Variants in ADAMTSL1 observed in about 807,000 individuals in gnomAD.
ADAMTSL1 encodes ADAMTS like 1, also known as ADAMTS-like protein 1.
In ADAMTSL1, 126 loss-of-function variants were observed where a neutral mutation model predicts 201.8. The observed-to-expected ratio is 0.62, with a 90% CI of 0.54 to 0.72. The LOEUF (loss-of-function observed/expected upper bound fraction) is 0.72. ADAMTSL1 is among the 30% of genes least tolerant of loss of function. ADAMTSL1 has a pLI of 0.00. For synonymous variants in ADAMTSL1, 1,121 were observed against 903.4 expected, an observed-to-expected ratio of 1.24 and a Z score of -4.32; for missense variants, 2,679 against 2,277.8, an observed-to-expected ratio of 1.18 and a Z score of -3.59.
intron 1 of ADAMTSL1, among the ~76,000 whole-genome samples, chr9:18,159,192 A>C (rs1390239419): frequency 6.6e-6 from 1 of 152,052 alleles, no homozygotes; most frequent in Non-Finnish European, 1.5e-5. Flanking sequence ...AATTCTCAGT[A>C]AACTATGAAT....
rs576619949 is a variant in ADAMTSL1, at chr9:18,815,096, T to C, written c.3806-2013T>C. The stretch of plus-strand genomic sequence containing the variant: ...AGATGTGGAGAAGAGAGAATTCTTA[T>C]ACATTGTTAATGGGAATGTAAATTA... On this transcript the variant is annotated intron_variant, in intron 20 of 28. Transcript: ENST00000380548. Among the ~76,000 whole-genome samples the C allele has an allele frequency of 3.9e-5, 6 of 152,308 alleles. No homozygotes were observed. The South Asian group carries it at 8.3e-4, about 21-fold the overall frequency.
chr9:18,889,465 C>G, intron 24 of ADAMTSL1, 103 bp from the exon 25 acceptor site: 8 of 1,305,518 alleles, frequency 6.1e-6, no homozygotes, highest in Non-Finnish European at 8.4e-6. Flanking sequence ...CTTCAGGCCA[C>G]AAATCCACCC....
intron 1 of ADAMTSL1, among the ~76,000 whole-genome samples, chr9:18,111,183 C>T (rs1176015891): frequency 1.3e-5 from 2 of 152,106 alleles, no homozygotes; most frequent in Non-Finnish European, 2.9e-5. Context: ...GCTAAGTTCT[C>T]CTAACTGTCT....
At chr9:18,034,434 G>A (rs1022260843) in intron 1 of ADAMTSL1, among the ~76,000 whole-genome samples, 6 of 152,066 alleles carry the variant, frequency 3.9e-5, no homozygotes, top group Non-Finnish European at 7.4e-5. Context: ...TCAGCCTCCT[G>A]TTGCATATTT....
chr9:18,414,551 C>G (rs1818590653), intron 2 of ADAMTSL1, among the ~76,000 whole-genome samples: 1 of 152,166 alleles, frequency 6.6e-6, no homozygotes, highest in Non-Finnish European at 1.5e-5. Flanking sequence ...AGGCAGTGAT[C>G]TCTCAATTAT....
At chr9:18,821,742 C>T (rs1000300222) in intron 21 of ADAMTSL1, among the ~76,000 whole-genome samples, 2 of 152,022 alleles carry the variant, frequency 1.3e-5, no homozygotes, top group African/African-American at 4.8e-5. Context: ...ACCCTACCTC[C>T]ACACCTCCTA....
intron 2 of ADAMTSL1, among the ~76,000 whole-genome samples, chr9:18,356,201 G>C (rs1479242901): frequency 1.3e-5 from 2 of 152,148 alleles, no homozygotes; most frequent in Admixed American, 6.5e-5. Context: ...GAGTTCTGGG[G>C]CTTTTTCTGG....
intron 1 of ADAMTSL1, among the ~76,000 whole-genome samples, chr9:17,940,995 C>T (rs528170894): frequency 1.3e-5 from 2 of 151,958 alleles, no homozygotes. Flanking sequence ...ATGAACATCT[C>T]TTCTGCAGCT....
intron 1 of ADAMTSL1, among the ~76,000 whole-genome samples, chr9:18,062,875 C>G (rs2131704925): frequency 6.6e-6 from 1 of 152,210 alleles, no homozygotes; most frequent in South Asian, 2.1e-4. Flanking sequence ...CTAACATGAC[C>G]TCCTCCTTGG....
intron 9 of ADAMTSL1, among the ~76,000 whole-genome samples, chr9:18,664,205 A>G (rs978885616): frequency 2.0e-5 from 3 of 152,102 alleles, no homozygotes; most frequent in African/African-American, 7.2e-5. Flanking sequence ...TGAGGTTAAG[A>G]TACTTCAGAA....
intron 15 of ADAMTSL1, among the ~76,000 whole-genome samples, chr9:18,744,657 T>C (rs1014524041): frequency 1.3e-5 from 2 of 152,248 alleles, no homozygotes; most frequent in African/African-American, 2.4e-5. Flanking sequence ...GGGAAGTAGG[T>C]ATTGCCATTA....
chr9:18,389,936 A>G (rs1444469192), intron 2 of ADAMTSL1, among the ~76,000 whole-genome samples: 2 of 152,174 alleles, frequency 1.3e-5, no homozygotes, highest in African/African-American at 4.8e-5. Context: ...GTCTCATCTT[A>G]TGTATTCACC....
At chr9:18,447,374 G>A (rs2131657836) in intron 2 of ADAMTSL1, among the ~76,000 whole-genome samples, 1 of 152,248 alleles carries the variant, frequency 6.6e-6, no homozygotes, top group Non-Finnish European at 1.5e-5. Flanking sequence ...TTGTAGAAAG[G>A]GGAAAGTGTT....
chr9:18,247,113 A>G (rs1662010817), intron 2 of ADAMTSL1, among the ~76,000 whole-genome samples: 1 of 152,202 alleles, frequency 6.6e-6, no homozygotes, highest in African/African-American at 2.4e-5. Flanking sequence ...GGTTAAGAAC[A>G]GTCACATTAA....
intron 1 of ADAMTSL1, among the ~76,000 whole-genome samples, chr9:18,158,086 A>G (rs1827232894): frequency 6.6e-6 from 1 of 151,984 alleles, no homozygotes; most frequent in East Asian, 1.9e-4. Flanking sequence ...TTCAGTGACA[A>G]TGTCCTCCTG....
intron 4 of ADAMTSL1, among the ~76,000 whole-genome samples, chr9:18,585,855 C>T (rs1426973537): frequency 1.3e-5 from 2 of 151,606 alleles, no homozygotes; most frequent in South Asian, 2.1e-4. Context: ...GACAATAGTC[C>T]CAGATGCAGG....
chr9:18,834,604 C>A (rs994404504), intron 23 of ADAMTSL1, among the ~76,000 whole-genome samples: 3 of 152,058 alleles, frequency 2.0e-5, no homozygotes, highest in Admixed American at 6.6e-5. Flanking sequence ...TACCTCATAT[C>A]CCTTTGTAAT....
rs1242906252 is a variant in ADAMTSL1, at chr9:18,086,303, TTGCCAGTTG to T, written c.88-77556_88-77548del. On this transcript the variant is annotated intron_variant, in intron 1 of 29. Transcript: ENST00000680146. ...AATAGAGGAGGAAGCCTTCAAGCAT[TTGCCAGTTG>T]TGTTGCAGGAATAAGAGACTAACCT... 5.3e-5 allele frequency among the ~76,000 whole-genome samples: 8 copies of T among 152,234 alleles called. No individual in the cohort carries two copies. The South Asian group carries it at 6.2e-4, about 12-fold the overall frequency.
chr9:18,871,586 C>G (rs1293546038), intron 23 of ADAMTSL1, among the ~76,000 whole-genome samples: 1 of 152,278 alleles, frequency 6.6e-6, no homozygotes, highest in Admixed American at 6.5e-5. Context: ...ATTTTTTCAT[C>G]TTGGGGTTCC....
Sources: gnomAD v4.1 joint callset for allele counts (sites outside exome capture counted in the v4.1 genomes callset) on GRCh38, gnomAD v4.1.1 for gene constraint, MANE v1.5 for transcripts, NCBI Gene and HGNC (gene_info 2026-07-23, HGNC 2026-07-21) for gene names.